The following LRP1B variants were observed in gnomAD, a reference collection of about 807,000 sequenced individuals.
The protein encoded by LRP1B is low-density lipoprotein receptor-related protein 1B.
Under a neutral mutation model 556.6 loss-of-function variants are expected in LRP1B, and 217 were observed. The ratio of observed to expected loss-of-function variants is 0.39; its 90% CI spans 0.35 to 0.44. The LOEUF is 0.44. Ranked by LOEUF, LRP1B falls within the 20% of genes least tolerant of loss-of-function variation. LRP1B has a pLI of 1.00. For synonymous variants in LRP1B, 2,047 were observed against 1,865.8 expected, an observed-to-expected ratio of 1.10 and a Z score of -2.50; for missense variants, 5,053 against 5,620.8, an observed-to-expected ratio of 0.90 and a Z score of 3.23.
chr2:141,521,917 G>A (rs983406769), intron 2 of LRP1B, among the ~76,000 whole-genome samples: 4 of 151,992 alleles, frequency 2.6e-5, no homozygotes, highest in Admixed American at 2.0e-4. Context: ...GTAGTTATAC[G>A]TGTACAGCAT....
At chr2:141,695,727 C>G (rs942219978) in intron 2 of LRP1B, among the ~76,000 whole-genome samples, 1 of 151,788 alleles carries the variant, frequency 6.6e-6, no homozygotes, top group Non-Finnish European at 1.5e-5. Flanking sequence ...AAAAAAAACC[C>G]AAAAACCAGA....
At chr2:141,828,788 T>C (rs1697018266) in intron 1 of LRP1B, among the ~76,000 whole-genome samples, 1 of 152,050 alleles carries the variant, frequency 6.6e-6, no homozygotes, top group South Asian at 2.1e-4. Context: ...CTCTTCCCTG[T>C]TATGGGAAGT....
At chr2:141,999,339 A>G (rs902237911) in intron 1 of LRP1B, among the ~76,000 whole-genome samples, 1 of 152,060 alleles carries the variant, frequency 6.6e-6, no homozygotes, top group African/African-American at 2.4e-5. Flanking sequence ...AAGGCTTAGA[A>G]TTTTAATTTT....
chr2:141,816,541 A>G (rs565866335), intron 1 of LRP1B, among the ~76,000 whole-genome samples: 1 of 152,150 alleles, frequency 6.6e-6, no homozygotes, highest in African/African-American at 2.4e-5. Flanking sequence ...GAAAGGCTAC[A>G]CTATCAGCTT....
Position 141,089,799 on chromosome 2 carries a change from G to A in LRP1B, c.1014-27526C>T, listed in dbSNP as rs182122639. ...ATCTGGGCTGCCACAGGGCAGCAAA[G>A]GAGTCTACAGCTGTAAGAGACAGTG... On this transcript the variant is annotated intron_variant, in intron 7 of 90. Coordinates refer to ENST00000389484, the MANE Select transcript of LRP1B (RefSeq NM_018557.3). Among the ~76,000 whole-genome samples, 799 of 152,312 alleles carry A rather than the reference G, an allele frequency of 5.2e-3. 12 individuals carry two copies. The highest frequency in any genetic ancestry group is 0.017 in the African/African-American group (721 of 41,566).
rs200252121 is a variant in LRP1B, at chr2:141,013,621, G to A, written c.2315C>T (p.Thr772Ile). The change falls in exon 14 of 91, where the codon ACA becomes ATA. Residue 772 changes from threonine (T) to isoleucine (I), a missense_variant. By Grantham distance (89) the Thr-to-Ile change is moderately conservative. Transcript: ENST00000389484. Reference protein sequence around the residue: ...FQLDLITSEVTLLRHERPPLF... With the variant: ...FQLDLITSEVILLRHERPPLF... The stretch of plus-strand genomic sequence containing the variant: ...GGGTGGTCTTTCATGCCTCAGCAAT[G>A]TCACCTCACTTGTTATCAAATCTAG... 2 of 1,612,326 alleles carry A rather than the reference G, an allele frequency of 1.2e-6. No individual in the cohort carries two copies. Among genetic ancestry groups the A allele is most frequent in the East Asian group, 2.2e-5 (1 of 44,698 alleles).
intron 3 of LRP1B, among the ~76,000 whole-genome samples, chr2:141,446,912 G>C (rs753080463): frequency 6.6e-6 from 1 of 152,120 alleles, no homozygotes; most frequent in African/African-American, 2.4e-5. Flanking sequence ...TTCTCAAGGA[G>C]TCTCTTTGTG....
intron 83 of LRP1B, among the ~76,000 whole-genome samples, chr2:140,314,367 C>T (rs1684429093): frequency 6.6e-6 from 1 of 152,012 alleles, no homozygotes; most frequent in Non-Finnish European, 1.5e-5. Flanking sequence ...GTACAGAACA[C>T]TTTCTGCAAG....
chr2:141,535,708 C>T (rs1430698347), intron 2 of LRP1B, among the ~76,000 whole-genome samples: 1 of 152,040 alleles, frequency 6.6e-6, no homozygotes, highest in Non-Finnish European at 1.5e-5. Context: ...AAGAAAGCAA[C>T]TTTCCATTAG....
intron 1 of LRP1B, among the ~76,000 whole-genome samples, chr2:141,922,230 C>T (rs1377526820): frequency 2.0e-5 from 3 of 152,038 alleles, no homozygotes; most frequent in African/African-American, 4.8e-5. Context: ...GCATAAAATA[C>T]GTATTGAAGT....
chr2:140,544,394 T>G (rs755808792), intron 43 of LRP1B, among the ~76,000 whole-genome samples: 6 of 152,078 alleles, frequency 3.9e-5, no homozygotes, highest in Non-Finnish European at 8.8e-5. Context: ...AGGGGTTCAC[T>G]GTACAGATTG....
rs570622444 is a variant in LRP1B at position 141,344,261 on chromosome 2, C to T, written c.344-89620G>A. ...CCTTAAAAATCTTCTCTTCACATCT[C>T]ACTTAGTAACAGCTAAAGTCCTTAC... is the stretch of plus-strand genomic sequence containing the variant. On this transcript the variant is annotated intron_variant, in intron 3 of 90. Coordinates refer to ENST00000389484, the MANE Select transcript of LRP1B (RefSeq NM_018557.3). 2.0e-5 allele frequency among the ~76,000 whole-genome samples: 3 copies of T among 152,272 alleles called. No individual in the cohort carries two copies. In the South Asian group the frequency reaches 6.2e-4, roughly 32 times the overall value.
intron 3 of LRP1B, among the ~76,000 whole-genome samples, chr2:141,349,808 T>C (rs1688381865): frequency 6.6e-6 from 1 of 152,112 alleles, no homozygotes; most frequent in South Asian, 2.1e-4. Context: ...GCTCTGAGTT[T>C]TCTTTCAATT....
intron 6 of LRP1B, among the ~76,000 whole-genome samples, chr2:141,214,108 G>C (rs1215754164): frequency 6.6e-6 from 1 of 152,130 alleles, no homozygotes; most frequent in Non-Finnish European, 1.5e-5. Flanking sequence ...AGGACATGGA[G>C]CCCAAAGATG....
chr2:140,385,234 G>C (rs745814388), intron 67 of LRP1B, among the ~76,000 whole-genome samples: 21 of 152,212 alleles, frequency 1.4e-4, no homozygotes, highest in Middle Eastern at 3.4e-3. Flanking sequence ...AACAGGGTGA[G>C]ACCCTCTCTC....
intron 1 of LRP1B, among the ~76,000 whole-genome samples, chr2:142,043,080 A>T (rs972313032): frequency 2.6e-5 from 4 of 151,518 alleles, no homozygotes; most frequent in African/African-American, 9.7e-5. Flanking sequence ...CTTTACCTCT[A>T]CCTAATCATA....
intron 2 of LRP1B, among the ~76,000 whole-genome samples, chr2:141,560,963 G>T (rs568784615): frequency 1.3e-5 from 2 of 151,708 alleles, no homozygotes; most frequent in East Asian, 1.9e-4. Flanking sequence ...TGATAAATAT[G>T]CTACTTATAA....
chr2:141,748,355 T>G (rs1693985326), intron 2 of LRP1B, among the ~76,000 whole-genome samples: 4 of 152,312 alleles, frequency 2.6e-5, no homozygotes, highest in Non-Finnish European at 5.9e-5. Context: ...TGTTGTTAAG[T>G]TGTATGGGAA....
intron 1 of LRP1B, among the ~76,000 whole-genome samples, chr2:141,872,628 T>A (rs1227028524): frequency 6.6e-6 from 1 of 151,850 alleles, no homozygotes; most frequent in Non-Finnish European, 1.5e-5. Context: ...TAGTTTACTA[T>A]GTAACATGAA....
Sources: gnomAD v4.1 joint callset for allele counts (sites outside exome capture counted in the v4.1 genomes callset) on GRCh38, gnomAD v4.1.1 for gene constraint, MANE v1.5 for transcripts, NCBI Gene and HGNC (gene_info 2026-07-23, HGNC 2026-07-21) for gene names.